The following PTPRD variants were observed in gnomAD, a reference collection of about 807,000 sequenced individuals.
The protein encoded by PTPRD is receptor-type tyrosine-protein phosphatase delta.
Under a neutral mutation model 214.5 loss-of-function variants are expected in PTPRD, and 34 were observed. That is an observed-to-expected ratio of 0.16 (90% CI 0.12 to 0.21). PTPRD has a LOEUF of 0.21. Ranked by LOEUF, PTPRD falls within the 10% of genes least tolerant of loss-of-function variation. The pLI is 1.00. For missense variants in PTPRD, 2,545 were observed against 2,398.7 expected (o/e 1.06, Z -1.27); for synonymous variants, 1,128 against 845.7 (o/e 1.33, Z -5.79).
At position 10,441,410 on chromosome 9, in the gene PTPRD, T is replaced by C. The variant is rs188294745; in HGVS notation, c.-599-100393A>G. Among the ~76,000 whole-genome samples the C allele has an allele frequency of 5.3e-5, 8 of 151,832 alleles. No homozygotes were observed. The East Asian group carries it at 1.2e-3, about 22-fold the overall frequency. On this transcript the variant is annotated intron_variant, in intron 2 of 45. Transcript: ENST00000381196. Reference sequence around the variant, plus strand: ...TTCTCAAAAGTGCCAGGTTCTTTCATGTTGCTTTACTTTTCAAATCAGATT... The same window carrying C: ...TTCTCAAAAGTGCCAGGTTCTTTCACGTTGCTTTACTTTTCAAATCAGATT...
rs79810825 is a variant in PTPRD, at chr9:9,612,964, G to A, written c.-286-38183C>T. Reference sequence around the variant, plus strand: ...TTTTAAAATCACACTTCTGTAGACCGGTGGTTCTCAAACTTTATTGTACAT... The same window carrying A: ...TTTTAAAATCACACTTCTGTAGACCAGTGGTTCTCAAACTTTATTGTACAT... On this transcript the variant is annotated intron_variant, in intron 7 of 45. Coordinates refer to ENST00000381196, the MANE Select transcript of PTPRD (RefSeq NM_002839.4). Among the ~76,000 whole-genome samples the A allele has an allele frequency of 3.7e-3, 554 of 151,274 alleles. 4 individuals carry two copies. The highest frequency in any genetic ancestry group is 0.013 in the African/African-American group (531 of 41,178).
At chr9:9,500,623 G>A (rs538384738) in intron 8 of PTPRD, among the ~76,000 whole-genome samples, 2 of 151,978 alleles carry the variant, frequency 1.3e-5, no homozygotes, top group Middle Eastern at 3.2e-3. Flanking sequence ...TTGTACTAAA[G>A]AAATATTAAA....
intron 34 of PTPRD, among the ~76,000 whole-genome samples, chr9:8,439,087 T>C (rs1297722864): frequency 6.6e-6 from 1 of 152,196 alleles, no homozygotes; most frequent in African/African-American, 2.4e-5. Context: ...AAACTTATCA[T>C]TGGATACCAT....
In PTPRD at chr9:10,015,833, G is replaced by A. The variant is rs139482631; in HGVS notation, c.-472+17885C>T. Among the ~76,000 whole-genome samples the A allele has an allele frequency of 1.3e-3, 200 of 152,280 alleles. 1 individual carries two copies. In the Middle Eastern group the frequency reaches 0.014, roughly 10 times the overall value. On this transcript the variant is annotated intron_variant, in intron 4 of 45. Coordinates refer to ENST00000381196, the MANE Select transcript of PTPRD (RefSeq NM_002839.4). The stretch of plus-strand genomic sequence containing the variant: ...CTAGAAACTAAGCAAGTTTTATAAT[G>A]TAAGATACTACAAGGTCATTTTGAA...
intron 3 of PTPRD, among the ~76,000 whole-genome samples, chr9:10,291,202 G>A (rs150515815): frequency 6.6e-6 from 1 of 151,898 alleles, no homozygotes; most frequent in Admixed American, 6.6e-5. Context: ...GAACACTAGA[G>A]TCTCCCTGGG....
At chr9:8,892,472 C>T (rs1489680241) in intron 11 of PTPRD, among the ~76,000 whole-genome samples, 1 of 151,336 alleles carries the variant, frequency 6.6e-6, no homozygotes, top group African/African-American at 2.4e-5. Context: ...CCTTTAGAAT[C>T]TCTCTTATTA....
chr9:8,417,106 G>A (rs1025651376), intron 35 of PTPRD, among the ~76,000 whole-genome samples: 1 of 152,064 alleles, frequency 6.6e-6, no homozygotes, highest in African/African-American at 2.4e-5. Flanking sequence ...TTGGCTTAAT[G>A]ATGCATTCAT....
At chr9:9,894,730 A>G (rs10739201) in intron 5 of PTPRD, among the ~76,000 whole-genome samples, 59,487 of 151,772 alleles carry the variant, frequency 0.39, 11,863 homozygotes, top group East Asian at 0.53. Context: ...ATTATACTAT[A>G]TATTCTATGC....
At chr9:9,561,073 T>C (rs2082813635) in intron 8 of PTPRD, among the ~76,000 whole-genome samples, 1 of 152,152 alleles carries the variant, frequency 6.6e-6, no homozygotes. Flanking sequence ...TGTACAGCAT[T>C]AGCAGGGCAG....
At chr9:10,408,244 G>GTC (rs34337586) in intron 2 of PTPRD, among the ~76,000 whole-genome samples, 2,404 of 151,238 alleles carry the variant, frequency 0.016, 55 homozygotes, top group African/African-American at 0.055. Flanking sequence ...GTATTTTTAA[G>GTC]TCTCTCTCTC....
chr9:9,060,429 T>C (rs967402207), intron 10 of PTPRD, among the ~76,000 whole-genome samples: 10 of 152,146 alleles, frequency 6.6e-5, no homozygotes, highest in Non-Finnish European at 1.3e-4. Context: ...AATTTTAGAA[T>C]CTTGGGACAG....
At chr9:10,060,214 A>G (rs1014482961) in intron 3 of PTPRD, among the ~76,000 whole-genome samples, 1 of 152,064 alleles carries the variant, frequency 6.6e-6, no homozygotes, top group Non-Finnish European at 1.5e-5. Flanking sequence ...TTCAAGTCCC[A>G]ATTTCATATA....
Position 10,145,690 on chromosome 9 carries a change from T to C in PTPRD, c.-544-111900A>G, listed in dbSNP as rs997647775. ...GGGATTGGTACCATTAACCTCTGCA[T>C]TGTACAAGAGTCTCCAGCATGTGTG... is the stretch of plus-strand genomic sequence containing the variant. On this transcript the variant is annotated intron_variant, in intron 3 of 45. Coordinates refer to ENST00000381196, the MANE Select transcript of PTPRD (RefSeq NM_002839.4). 4.7e-5 allele frequency among the ~76,000 whole-genome samples: 7 copies of C among 148,852 alleles called. No individual in the cohort carries two copies. The Middle Eastern group carries it at 0.01, about 217-fold the overall frequency.
intron 2 of PTPRD, among the ~76,000 whole-genome samples, chr9:10,355,241 T>C (rs1302795130): frequency 6.6e-6 from 1 of 152,136 alleles, no homozygotes; most frequent in East Asian, 1.9e-4. Context: ...TAGAGCATTG[T>C]GTGAAATTTG....
intron 2 of PTPRD, among the ~76,000 whole-genome samples, chr9:10,597,666 A>T (rs962355008): frequency 6.6e-6 from 1 of 151,808 alleles, no homozygotes; most frequent in African/African-American, 2.4e-5. Context: ...TGGTAAGCAA[A>T]GATTTCATTA....
At chr9:8,427,816 C>T (rs555523588) in intron 35 of PTPRD, among the ~76,000 whole-genome samples, 5 of 151,968 alleles carry the variant, frequency 3.3e-5, no homozygotes, top group African/African-American at 1.2e-4. Flanking sequence ...AATTGATGTG[C>T]ATCTTAAAAT....
At chr9:10,062,405 A>G (rs1393586493) in intron 3 of PTPRD, among the ~76,000 whole-genome samples, 1 of 152,058 alleles carries the variant, frequency 6.6e-6, no homozygotes, top group Non-Finnish European at 1.5e-5. Flanking sequence ...CAGGAGTTCA[A>G]AACCAGCCTG....
chr9:9,504,952 T>A (rs1343097390), intron 8 of PTPRD, among the ~76,000 whole-genome samples: 1 of 151,634 alleles, frequency 6.6e-6, no homozygotes, highest in Non-Finnish European at 1.5e-5. Flanking sequence ...TAAGAAGGCA[T>A]CATTCTTGGG....
chr9:8,909,372 C>T (rs1483739576), intron 11 of PTPRD, among the ~76,000 whole-genome samples: 1 of 152,064 alleles, frequency 6.6e-6, no homozygotes, highest in Non-Finnish European at 1.5e-5. Context: ...AAAATATTAG[C>T]AACCTAAATC....
Sources: gnomAD v4.1 joint callset for allele counts (sites outside exome capture counted in the v4.1 genomes callset) on GRCh38, gnomAD v4.1.1 for gene constraint, MANE v1.5 for transcripts, NCBI Gene and HGNC (gene_info 2026-07-23, HGNC 2026-07-21) for gene names.